Variants in NAGS observed in about 807,000 individuals in gnomAD.
NAGS encodes the protein N-acetylglutamate synthase.
A neutral mutation model predicts 46.9 loss-of-function variants in NAGS; 34 were observed. The ratio of observed to expected loss-of-function variants is 0.72; its 90% CI spans 0.55 to 0.97. The LOEUF (loss-of-function observed/expected upper bound fraction) is 0.97. Among genes scored for constraint, NAGS ranks in the 50% least tolerant of loss-of-function variants. The probability of loss-of-function intolerance (pLI) is 0.00; values close to 1 mark genes in which losing one functional copy is unlikely to be tolerated. For missense variants in NAGS, 665 were observed against 747.0 expected (o/e 0.89, Z 1.28); for synonymous variants, 334 against 346.3 (o/e 0.96, Z 0.39).
Position 44,005,690 on chromosome 17 carries a change from C to T in NAGS, c.480C>T (p.Ala160=), listed in dbSNP as rs1157924781. Reference sequence around the variant, plus strand: ...AGGGCGTATCCAGTCTGGCCTTTGCCCTGGCCTTCTTGCAGCGCATGGACA... The same window carrying T: ...AGGGCGTATCCAGTCTGGCCTTTGCTCTGGCCTTCTTGCAGCGCATGGACA... ...CQQGVSSLAF[A]LAFLQRMDMK... Residue 160 remains alanine, a synonymous_variant, in exon 2 of 7, where the codon GCC becomes GCT. Transcript: ENST00000293404. This position sits in a 1 kb window ranked among gnomAD's most constrained non-coding sequence, Gnocchi z 7.2. 4.4e-6 allele frequency: 7 copies of T among 1,607,440 alleles called. No individual in the cohort carries two copies. In the South Asian group the frequency reaches 5.6e-5, roughly 13 times the overall value.
Position 44,007,275 on chromosome 17 carries a change from G to T in NAGS, c.1097-48G>T. 1 of 1,599,318 alleles carries T rather than the reference G, an allele frequency of 6.3e-7. No homozygotes were observed. Among genetic ancestry groups the T allele is most frequent in the African/African-American group, 1.3e-5 (1 of 74,728 alleles). ...TCCTACCTGCAGTCCCCACCAGGCT[G>T]CGCAAACGGCCCTCCAGCCAGACTA... On this transcript the variant is annotated intron_variant, in intron 4 of 6. Transcript: ENST00000293404. This position sits in a 1 kb window ranked among gnomAD's most constrained non-coding sequence, Gnocchi z 5.1.
At position 44,006,980 on chromosome 17, in the gene NAGS, G is replaced by A. The variant is rs2049101973; in HGVS notation, c.1096+271G>A. The A allele has an allele frequency of 4.0e-6, 2 of 499,276 alleles. No individual in the cohort carries two copies. Among genetic ancestry groups the A allele is most frequent in the South Asian group, 2.5e-5 (1 of 40,338 alleles). The allele number at this position is 499,276 out of a possible 1,614,324, so 30.9% of individuals were successfully genotyped here. ...GGGGCCCCCCGGTGGGCGGGGCCAG[G>A]GGCGGGACCATAAGGGAGGTGTTCG... On this transcript the variant is annotated intron_variant, in intron 4 of 6. Coordinates refer to ENST00000293404, the MANE Select transcript of NAGS (RefSeq NM_153006.3). The surrounding 1 kb of genome is among the most constrained non-coding windows in gnomAD (Gnocchi z 4.8).
chr17:44,006,238 G>T lies in NAGS; in HGVS notation c.915+1G>T, dbSNP rs1319006991. 2 of 1,613,070 alleles carry T rather than the reference G, an allele frequency of 1.2e-6. No individual in the cohort carries two copies. The highest frequency in any genetic ancestry group is 1.7e-5 in the Admixed American group (1 of 60,020). On this transcript the variant is annotated splice_donor_variant, in intron 3 of 6. Transcript: ENST00000293404. LOFTEE classifies it high-confidence loss of function. The surrounding 1 kb of genome is among the most constrained non-coding windows in gnomAD (Gnocchi z 4.8). ...CGGCCTGCGCGACAGCAGTCATAAG[G>T]TGCGGCCCTTTCTTTCACCTTCCCC...
In NAGS at chr17:44,007,547, G is replaced by A. The variant is rs1567943715; in HGVS notation, c.1269-44G>A. 7.4e-6 allele frequency: 12 copies of A among 1,612,626 alleles called. No individual in the cohort carries two copies. Among genetic ancestry groups the A allele is most frequent in the Non-Finnish European group, 9.3e-6 (11 of 1,179,588 alleles). Reference sequence around the variant, plus strand: ...GTCTGGGGGGCAGTCGGGCAGCTTCGGACCAAGGAGAGGTCCCAGCCTGCC... The same window carrying A: ...GTCTGGGGGGCAGTCGGGCAGCTTCAGACCAAGGAGAGGTCCCAGCCTGCC... On this transcript the variant is annotated intron_variant, in intron 5 of 6. Transcript: ENST00000293404. The surrounding 1 kb of genome is among the most constrained non-coding windows in gnomAD (Gnocchi z 5.1).
At position 44,005,498 on chromosome 17, in the gene NAGS, C is replaced by A; in HGVS notation, c.427-139C>A. 1 of 1,176,420 alleles carries A rather than the reference C, an allele frequency of 8.5e-7. No individual in the cohort carries two copies. The highest frequency in any genetic ancestry group is 1.2e-6 in the Non-Finnish European group (1 of 827,634). 72.9% of individuals were successfully genotyped at this position (1,176,420 alleles called of 1,614,324 possible). ...AGACCCAACGGGGCAAAGGGCGGAGCAGGTGGGCACTGGTGGCCAGAACTG... is the reference window on the plus strand; with the variant it reads ...AGACCCAACGGGGCAAAGGGCGGAGAAGGTGGGCACTGGTGGCCAGAACTG... On this transcript the variant is annotated intron_variant, in intron 1 of 6. Coordinates refer to ENST00000293404, the MANE Select transcript of NAGS (RefSeq NM_153006.3). This position sits in a 1 kb window ranked among gnomAD's most constrained non-coding sequence, Gnocchi z 7.2.
Position 44,006,031 on chromosome 17 carries a change from G to T in NAGS, c.709G>T (p.Gly237Cys). The part of the protein sequence containing the change: ...AEPAPHASYG[G>C]IVSVETDLLQ... ...ACCACGTCTGGCCCACAGCTACGGC[G>T]GCATCGTCTCGGTGGAGACAGACCT... Residue 237 changes from glycine to cysteine, a missense_variant, in exon 3 of 7, where the codon GGC (glycine) becomes TGC (cysteine). By Grantham distance (159) the Gly-to-Cys change is radical (BLOSUM62 -3). Transcript: ENST00000293404. This position sits in a 1 kb window ranked among gnomAD's most constrained non-coding sequence, Gnocchi z 4.8. 6.2e-7 allele frequency: 1 copy of T among 1,601,710 alleles called. No individual in the cohort carries two copies. The highest frequency in any genetic ancestry group is 8.5e-7 in the Non-Finnish European group (1 of 1,176,364).
rs1357752306 is a variant in NAGS, at chr17:44,007,415, G to A, written c.1189G>A (p.Ala397Thr). ...DQGRLVDLVNASFGKKLRDDY... is the reference protein window; with the variant it reads ...DQGRLVDLVNTSFGKKLRDDY... The stretch of plus-strand genomic sequence containing the variant: ...GGGCCGTCTAGTGGACCTGGTCAAC[G>A]CCAGCTTCGGCAAGAAGCTCAGGGA... Residue 397 changes from alanine (A) to threonine (T), a missense_variant, in exon 5 of 7, where the codon GCC becomes ACC. Ala to Thr is a moderately conservative substitution (Grantham distance 58, BLOSUM62 0). Transcript: ENST00000293404. This position sits in a 1 kb window ranked among gnomAD's most constrained non-coding sequence, Gnocchi z 5.1. 6.2e-7 allele frequency: 1 copy of A among 1,613,890 alleles called. No homozygotes were observed. The highest frequency in any genetic ancestry group is 2.2e-5 in the East Asian group (1 of 44,876).
rs1430549987 is a variant in NAGS at position 44,004,788 on chromosome 17, G to C, written c.125G>C (p.Gly42Ala). The C allele has an allele frequency of 2.9e-6, 4 of 1,366,868 alleles. No individual in the cohort carries two copies. Among genetic ancestry groups the C allele is most frequent in the Non-Finnish European group, 3.8e-6 (4 of 1,065,818 alleles). The allele number at this position is 1,366,868 out of a possible 1,614,324, so 84.7% of individuals were successfully genotyped here. The part of the protein sequence containing the change: ...SCGARRRAAR[G>A]TSPGRRLSTA... ...GGCGCGCGGCGGCGGGCGGCGAGGG[G>C]CACCAGCCCGGGGCGCCGGCTCAGC... is the stretch of plus-strand genomic sequence containing the variant. The change falls in exon 1 of 7, where the codon GGC becomes GCC. Residue 42 changes from glycine (G) to alanine (A), a missense_variant. Gly to Ala is a moderately conservative substitution (Grantham distance 60, BLOSUM62 0). Transcript: ENST00000293404.
rs1422483047 is a variant in NAGS, at chr17:44,005,948, G to T, written c.701+37G>T. 1 of 1,550,524 alleles carries T rather than the reference G, an allele frequency of 6.4e-7. No homozygotes were observed. The highest frequency in any genetic ancestry group is 8.7e-7 in the Non-Finnish European group (1 of 1,152,082). ...CCCTGCCCGCCCAGGCGTCCTCAGA[G>T]CGTGCTACTCTGCCCGCCCTGCCCC... On this transcript the variant is annotated intron_variant, in intron 2 of 6. Coordinates refer to ENST00000293404, the MANE Select transcript of NAGS (RefSeq NM_153006.3). This position sits in a 1 kb window ranked among gnomAD's most constrained non-coding sequence, Gnocchi z 7.2.
Position 44,007,672 on chromosome 17 carries a change from C to G in NAGS, c.1350C>G (p.Ser450Arg). 1 of 1,603,256 alleles carries G rather than the reference C, an allele frequency of 6.2e-7. No individual in the cohort carries two copies. Among genetic ancestry groups the G allele is most frequent in the South Asian group, 1.1e-5 (1 of 89,222 alleles). ...TGGACAAATTTGTGGTGAGCTCCAG[C>G]CGCCAGGGCCAAGGCTCCGGCCAGA... The part of the protein sequence containing the change: ...PYLDKFVVSS[S>R]RQGQGSGQML... The change falls in exon 6 of 7, where the codon AGC becomes AGG. Residue 450 changes from serine to arginine, a missense_variant. Physicochemically the swap from Ser to Arg is moderately radical, Grantham distance 110. Coordinates refer to ENST00000293404, the MANE Select transcript of NAGS (RefSeq NM_153006.3). This position sits in a 1 kb window ranked among gnomAD's most constrained non-coding sequence, Gnocchi z 5.1.
In NAGS at chr17:44,006,411, G is replaced by C; in HGVS notation, c.916-118G>C. The C allele has an allele frequency of 6.7e-7, 1 of 1,491,676 alleles. No homozygotes were observed. 92.4% of individuals were successfully genotyped at this position (1,491,676 alleles called of 1,614,324 possible). ...GGTGCCCAGATCTGCGCCCTCCCTG[G>C]CTAAGGACTCCGGGCGGAAGTAAGG... On this transcript the variant is annotated intron_variant, in intron 3 of 6. Coordinates refer to ENST00000293404, the MANE Select transcript of NAGS (RefSeq NM_153006.3). This position sits in a 1 kb window ranked among gnomAD's most constrained non-coding sequence, Gnocchi z 4.8.
Position 44,008,436 on chromosome 17 carries a change from C to T in NAGS, c.1452-12C>T, listed in dbSNP as rs757829967. ...CTAAAAACTGTTTCCTACATCACCT[C>T]CCCACACCCAGGTACTTCAAACACA... On this transcript the variant is annotated splice_polypyrimidine_tract_variant and intron_variant, in intron 6 of 6. Transcript: ENST00000293404. 3.1e-6 allele frequency: 5 copies of T among 1,614,232 alleles called. No homozygotes were observed. The highest frequency in any genetic ancestry group is 1.1e-5 in the South Asian group (1 of 91,086).
In NAGS at chr17:44,005,156, G is replaced by A. The variant is rs1259647339; in HGVS notation, c.426+67G>A. 26 of 1,508,570 alleles carry A rather than the reference G, an allele frequency of 1.7e-5. No homozygotes were observed. Among genetic ancestry groups the A allele is most frequent in the Non-Finnish European group, 2.0e-5 (23 of 1,127,420 alleles). The allele number at this position is 1,508,570 out of a possible 1,614,324, so 93.4% of individuals were successfully genotyped here. On this transcript the variant is annotated intron_variant, in intron 1 of 6. Transcript: ENST00000293404. This position sits in a 1 kb window ranked among gnomAD's most constrained non-coding sequence, Gnocchi z 7.2. ...GGGGTTGTGCGGCCACCTGTCCTCAGGCATGGCAGGATACGCTGCGGGCTC... is the reference window on the plus strand; with the variant it reads ...GGGGTTGTGCGGCCACCTGTCCTCAAGCATGGCAGGATACGCTGCGGGCTC...
chr17:44,005,171 G>C lies in NAGS; in HGVS notation c.426+82G>C. Reference sequence around the variant, plus strand: ...CCTGTCCTCAGGCATGGCAGGATACGCTGCGGGCTCTGCGCAGCGGAAGCG... The same window carrying C: ...CCTGTCCTCAGGCATGGCAGGATACCCTGCGGGCTCTGCGCAGCGGAAGCG... On this transcript the variant is annotated intron_variant, in intron 1 of 6. Coordinates refer to ENST00000293404, the MANE Select transcript of NAGS (RefSeq NM_153006.3). The surrounding 1 kb of genome is among the most constrained non-coding windows in gnomAD (Gnocchi z 7.2). The C allele has an allele frequency of 1.3e-6, 2 of 1,490,382 alleles. No individual in the cohort carries two copies. Among genetic ancestry groups the C allele is most frequent in the South Asian group, 2.5e-5 (2 of 78,712 alleles). 92.3% of individuals were successfully genotyped at this position (1,490,382 alleles called of 1,614,324 possible).
Position 44,008,813 on chromosome 17 carries a change from G to A in NAGS, c.*212G>A. On this transcript the variant is annotated 3_prime_UTR_variant, in exon 7 of 7. Coordinates refer to ENST00000293404, the MANE Select transcript of NAGS (RefSeq NM_153006.3). ...GGGGACCAGTCTAGGACCCCAACTCGACTCACTCTAAAGCTACAACCAAAT... is the reference window on the plus strand; with the variant it reads ...GGGGACCAGTCTAGGACCCCAACTCAACTCACTCTAAAGCTACAACCAAAT... The A allele has an allele frequency of 1.6e-6, 1 of 634,742 alleles. No homozygotes were observed. Among genetic ancestry groups the A allele is most frequent in the Non-Finnish European group, 2.8e-6 (1 of 363,246 alleles). The allele number at this position is 634,742 out of a possible 1,614,324, so 39.3% of individuals were successfully genotyped here. A position where few individuals can be genotyped will look rare whatever the true frequency, so the allele number is the denominator to read the frequency against.
Position 44,008,807 on chromosome 17 carries a change from C to A in NAGS, c.*206C>A. 1 of 667,410 alleles carries A rather than the reference C, an allele frequency of 1.5e-6. No individual in the cohort carries two copies. Among genetic ancestry groups the A allele is most frequent in the Non-Finnish European group, 2.6e-6 (1 of 386,700 alleles). 41.3% of individuals were successfully genotyped at this position (667,410 alleles called of 1,614,324 possible). A position where few individuals can be genotyped will look rare whatever the true frequency, so the allele number is the denominator to read the frequency against. On this transcript the variant is annotated 3_prime_UTR_variant, in exon 7 of 7. Transcript: ENST00000293404. ...AAAGAAGGGGACCAGTCTAGGACCC[C>A]AACTCGACTCACTCTAAAGCTACAA...
chr17:44,005,187 A>G lies in NAGS; in HGVS notation c.426+98A>G. On this transcript the variant is annotated intron_variant, in intron 1 of 6. Coordinates refer to ENST00000293404, the MANE Select transcript of NAGS (RefSeq NM_153006.3). This position sits in a 1 kb window ranked among gnomAD's most constrained non-coding sequence, Gnocchi z 7.2. Reference sequence around the variant, plus strand: ...GCAGGATACGCTGCGGGCTCTGCGCAGCGGAAGCGGGAAGGAGCCCGGCAG... The same window carrying G: ...GCAGGATACGCTGCGGGCTCTGCGCGGCGGAAGCGGGAAGGAGCCCGGCAG... 3.4e-6 allele frequency: 5 copies of G among 1,465,350 alleles called. No individual in the cohort carries two copies. The highest frequency in any genetic ancestry group is 1.3e-5 in the South Asian group (1 of 74,172). 90.8% of individuals were successfully genotyped at this position (1,465,350 alleles called of 1,614,324 possible).
Position 44,005,520 on chromosome 17 carries a change from A to G in NAGS, c.427-117A>G. Reference sequence around the variant, plus strand: ...GAGCAGGTGGGCACTGGTGGCCAGAACTGGGTCCTGACAGCTTCTGGAAGG... The same window carrying G: ...GAGCAGGTGGGCACTGGTGGCCAGAGCTGGGTCCTGACAGCTTCTGGAAGG... On this transcript the variant is annotated intron_variant, in intron 1 of 6. Coordinates refer to ENST00000293404, the MANE Select transcript of NAGS (RefSeq NM_153006.3). This position sits in a 1 kb window ranked among gnomAD's most constrained non-coding sequence, Gnocchi z 7.2. 1 of 1,425,404 alleles carries G rather than the reference A, an allele frequency of 7.0e-7. No individual in the cohort carries two copies. 88.3% of individuals were successfully genotyped at this position (1,425,404 alleles called of 1,614,324 possible). A position where few individuals can be genotyped will look rare whatever the true frequency, so the allele number is the denominator to read the frequency against.
Position 44,008,619 on chromosome 17 carries a change from A to G in NAGS, c.*18A>G, listed in dbSNP as rs200428405. The stretch of plus-strand genomic sequence containing the variant: ...GCAGCTGACCCTCACCATGGACACT[A>G]CAGGCCCTGGAATGGCCAGGGTGGA... On this transcript the variant is annotated 3_prime_UTR_variant, in exon 7 of 7. Transcript: ENST00000293404. The G allele has an allele frequency of 3.1e-6, 5 of 1,612,944 alleles. No homozygotes were observed. In the East Asian group the frequency reaches 8.9e-5, roughly 29 times the overall value.
Sources: allele counts gnomAD v4.1 joint callset, GRCh38; gene constraint gnomAD v4.1.1; non-coding constraint Gnocchi (gnomAD v3.1); transcripts MANE v1.5; gene names NCBI Gene and HGNC (gene_info 2026-07-23, HGNC 2026-07-21).